The following ZBTB5 variants were observed in gnomAD, a reference collection of about 807,000 sequenced individuals.
The protein encoded by ZBTB5 is zinc finger and BTB domain containing 5, also known as zinc finger and BTB domain-containing protein 5.
ZBTB5 carries 15 observed loss-of-function variants against 37.9 expected under a neutral mutation model. That is an observed-to-expected ratio of 0.40 (90% CI 0.26 to 0.61). ZBTB5 has a LOEUF of 0.61. ZBTB5 is among the 20% of genes least tolerant of loss of function. The probability of loss-of-function intolerance (pLI) is 0.47; values close to 1 mark genes in which losing one functional copy is unlikely to be tolerated. For synonymous variants in ZBTB5, 315 were observed against 312.4 expected (o/e 1.01, Z -0.09); for missense variants, 708 against 856.8 (o/e 0.83, Z 2.17).
chr9:37,457,306 C>T (rs1318030087), intron 1 of ZBTB5, among the ~76,000 whole-genome samples: 2 of 152,254 alleles, frequency 1.3e-5, no homozygotes, highest in Non-Finnish European at 2.9e-5. Context: ...GCAATCACAG[C>T]TCACTGTAGC....
At chr9:37,454,600 A>C (rs1824155454) in intron 1 of ZBTB5, among the ~76,000 whole-genome samples, 1 of 152,256 alleles carries the variant, frequency 6.6e-6, no homozygotes, top group Non-Finnish European at 1.5e-5. Flanking sequence ...TAACATGAAT[A>C]ATCAAAAGAT....
intron 1 of ZBTB5, among the ~76,000 whole-genome samples, chr9:37,453,946 G>A (rs573254182): frequency 1.3e-5 from 2 of 152,156 alleles, no homozygotes; most frequent in Non-Finnish European, 2.9e-5. Context: ...CAAAAACACT[G>A]TCCAGAAGGT....
chr9:37,442,317 C>G lies in ZBTB5; in HGVS notation c.235G>C (p.Ala79Pro), dbSNP rs1823900610. 1 of 1,614,074 alleles carries G rather than the reference C, an allele frequency of 6.2e-7. No homozygotes were observed. The highest frequency in any genetic ancestry group is 1.3e-5 in the African/African-American group (1 of 74,922). Reference protein sequence around the residue: ...SEVVTAEAFAALIDMMYTSTL... With the variant: ...SEVVTAEAFAPLIDMMYTSTL... ...GAGGTATACATCATGTCAATCAGTG[C>G]AGCAAAGGCCTCTGCTGTCACCACC... The change falls in exon 2 of 2, where the codon GCA becomes CCA. Residue 79 changes from alanine to proline, a missense_variant. Coordinates refer to ENST00000307750, the MANE Select transcript of ZBTB5 (RefSeq NM_014872.3).
intron 1 of ZBTB5, among the ~76,000 whole-genome samples, chr9:37,454,559 G>T (rs1588781510): frequency 6.6e-6 from 1 of 152,180 alleles, no homozygotes; most frequent in Non-Finnish European, 1.5e-5. Flanking sequence ...ATATAATTAA[G>T]AAAATACACT....
At chr9:37,464,241 A>T (rs1265253705) in intron 1 of ZBTB5, among the ~76,000 whole-genome samples, 1 of 152,198 alleles carries the variant, frequency 6.6e-6, no homozygotes, top group Admixed American at 6.5e-5. Context: ...ATTCTCTTCA[A>T]CCTCTAAAGA....
chr9:37,463,481 A>T (rs1377122056), intron 1 of ZBTB5, among the ~76,000 whole-genome samples: 1 of 152,258 alleles, frequency 6.6e-6, no homozygotes, highest in Non-Finnish European at 1.5e-5. Flanking sequence ...TTCCAAAACG[A>T]ATGTGAGCCA....
intron 1 of ZBTB5, among the ~76,000 whole-genome samples, chr9:37,449,210 T>C (rs1442500216): frequency 1.2e-4 from 18 of 152,090 alleles, no homozygotes; most frequent in Non-Finnish European, 1.0e-4. Flanking sequence ...CGTAGTGAGA[T>C]TCTATATAAC....
At chr9:37,447,213 A>G (rs528450932) in intron 1 of ZBTB5, among the ~76,000 whole-genome samples, 2 of 152,222 alleles carry the variant, frequency 1.3e-5, no homozygotes, top group African/African-American at 4.8e-5. Flanking sequence ...TGGTGGCAGA[A>G]GAGTGTGAGT....
chr9:37,454,032 C>T (rs1824146558), intron 1 of ZBTB5, among the ~76,000 whole-genome samples: 1 of 152,208 alleles, frequency 6.6e-6, no homozygotes, highest in Non-Finnish European at 1.5e-5. Context: ...GTGAACTCCC[C>T]TTTTACCTTA....
intron 1 of ZBTB5, among the ~76,000 whole-genome samples, chr9:37,450,179 G>A (rs1455945880): frequency 3.3e-5 from 5 of 152,108 alleles, no homozygotes; most frequent in Non-Finnish European, 7.4e-5. Flanking sequence ...AGAGAGAGCT[G>A]TTTTCCTTTC....
rs747934453 is a variant in ZBTB5 at position 37,441,047 on chromosome 9, A to C, written c.1505T>G (p.Phe502Cys). ...QTSGYQGGEQ[F>C]GMDFSRSGLG... ...ACCAGACCTGGAAAAGTCCATCCCA[A>C]ACTGTTCTCCTCCTTGGTAGCCTGA... The change falls in exon 2 of 2, where the codon TTT (phenylalanine) becomes TGT (cysteine). Residue 502 changes from phenylalanine to cysteine, a missense_variant. Physicochemically the swap from Phe to Cys is radical, Grantham distance 205. Around this residue, in one of 3 missense-constraint regions of ZBTB5, gnomAD observed 639 missense variants for 690.5 expected, o/e 0.93. Transcript: ENST00000307750. The C allele has an allele frequency of 5.6e-6, 9 of 1,614,038 alleles. No homozygotes were observed. Among genetic ancestry groups the C allele is most frequent in the Non-Finnish European group, 7.6e-6 (9 of 1,180,036 alleles).
rs1223897297 is a variant in ZBTB5, at chr9:37,442,276, C to T, written c.276G>A (p.Gly92=). The part of the protein sequence containing the change: ...DMMYTSTLML[G]ESNVMDVLLA... ...ATAAGACATCCATTACATTGCTCTC[C>T]CCCAGCATGAGGGTGGAGGTATACA... is the stretch of plus-strand genomic sequence containing the variant. Residue 92 remains glycine (G), a synonymous_variant, in exon 2 of 2, where the codon GGG becomes GGA. Transcript: ENST00000307750. The T allele has an allele frequency of 6.2e-7, 1 of 1,614,080 alleles. No individual in the cohort carries two copies. Among genetic ancestry groups the T allele is most frequent in the Non-Finnish European group, 8.5e-7 (1 of 1,180,040 alleles).
At chr9:37,445,871 C>T (rs1461480585) in intron 1 of ZBTB5, among the ~76,000 whole-genome samples, 1 of 151,798 alleles carries the variant, frequency 6.6e-6, no homozygotes, top group African/African-American at 2.4e-5. Context: ...GAGACTGAGG[C>T]GGGCAGATTG....
intron 1 of ZBTB5, among the ~76,000 whole-genome samples, chr9:37,462,667 G>A (rs1027613436): frequency 5.9e-5 from 9 of 151,528 alleles, no homozygotes; most frequent in African/African-American, 1.9e-4. Context: ...AGGCTCAAGC[G>A]ATTCTTCCGC....
At chr9:37,449,338 T>C (rs1254237419) in intron 1 of ZBTB5, among the ~76,000 whole-genome samples, 1 of 152,210 alleles carries the variant, frequency 6.6e-6, no homozygotes, top group African/African-American at 2.4e-5. Flanking sequence ...GCTTCTGCAT[T>C]CAGGCTTGTG....
intron 1 of ZBTB5, among the ~76,000 whole-genome samples, chr9:37,446,611 T>C (rs1338089302): frequency 6.6e-6 from 1 of 152,222 alleles, no homozygotes; most frequent in Non-Finnish European, 1.5e-5. Context: ...TCTCCAAAGA[T>C]GCAGCCACTG....
chr9:37,460,947 G>A (rs962310249), intron 1 of ZBTB5, among the ~76,000 whole-genome samples: 2 of 152,106 alleles, frequency 1.3e-5, no homozygotes, highest in African/African-American at 2.4e-5. Context: ...AAGCTTTGGA[G>A]ACACTATTAT....
intron 1 of ZBTB5, among the ~76,000 whole-genome samples, chr9:37,445,506 C>A (rs983441907): frequency 6.6e-6 from 1 of 151,690 alleles, no homozygotes; most frequent in African/African-American, 2.4e-5. Flanking sequence ...AAACAATTAG[C>A]CAGGCATGGT....
chr9:37,457,933 A>G (rs1371825565), intron 1 of ZBTB5, among the ~76,000 whole-genome samples: 1 of 152,206 alleles, frequency 6.6e-6, no homozygotes, highest in East Asian at 1.9e-4. Flanking sequence ...CAGAAAGGTT[A>G]ACCATGAGGC....
Sources: allele counts gnomAD v4.1 joint callset (sites outside exome capture counted in the v4.1 genomes callset), GRCh38; gene constraint gnomAD v4.1.1; regional missense constraint gnomAD v4.1.1; transcripts MANE v1.5; gene names NCBI Gene and HGNC (gene_info 2026-07-23, HGNC 2026-07-21).